The following DNAH6 variants were observed in gnomAD, a reference collection of about 807,000 sequenced individuals.
The protein encoded by DNAH6 is axonemal beta dynein heavy chain 6.
Under a neutral mutation model 491.4 loss-of-function variants are expected in DNAH6, and 340 were observed. That is an observed-to-expected ratio of 0.69 (90% CI 0.63 to 0.76). DNAH6 has a LOEUF of 0.76. DNAH6 is among the 30% of genes least tolerant of loss of function. The pLI, the probability that DNAH6 is intolerant of heterozygous loss-of-function variation, is 0.00. For missense variants in DNAH6, 4,443 were observed against 4,972.2 expected (o/e 0.89, Z 3.20); for synonymous variants, 1,603 against 1,686.1 (o/e 0.95, Z 1.21).
At chr2:84,810,503 C>A (rs1226790298) in intron 72 of DNAH6, among the ~76,000 whole-genome samples, 2 of 152,218 alleles carry the variant, frequency 1.3e-5, no homozygotes, top group Admixed American at 1.3e-4. Flanking sequence ...GCATTCCCAT[C>A]AGAAGGGAGG....
upstream of DNAH6, chr2:84,516,428 T>C (rs1675594733): frequency 6.6e-6 from 1 of 152,210 alleles, no homozygotes; most frequent in African/African-American, 2.4e-5. Flanking sequence ...AGGCGTTGCC[T>C]GGCGACGTGT....
At chr2:84,628,112 G>A (rs1284557283) in intron 29 of DNAH6, among the ~76,000 whole-genome samples, 1 of 152,146 alleles carries the variant, frequency 6.6e-6, no homozygotes, top group East Asian at 1.9e-4. Flanking sequence ...GTGGGTTCAA[G>A]TGATCACCCC....
chr2:84,493,785 C>T, the DNAH6 span, among the ~76,000 whole-genome samples: 1 of 152,142 alleles, frequency 6.6e-6, no homozygotes, highest in Non-Finnish European at 1.5e-5. Flanking sequence ...TTGGTAGACA[C>T]AACAGCTTCA....
At chr2:84,571,135 A>G (rs1047732794) in intron 11 of DNAH6, among the ~76,000 whole-genome samples, 2 of 152,266 alleles carry the variant, frequency 1.3e-5, no homozygotes, top group African/African-American at 4.8e-5. Context: ...ATAATGAATT[A>G]ACAAACTAAT....
intron 76 of DNAH6, 90 bp from the exon 77 acceptor site, chr2:84,819,215 C>A: frequency 1.1e-6 from 1 of 883,032 alleles, no homozygotes; most frequent in South Asian, 1.7e-5. Context: ...GGCCTGGAAC[C>A]CAGATGTCTT....
chr2:84,506,484 G>A, the DNAH6 span, among the ~76,000 whole-genome samples: 2 of 152,154 alleles, frequency 1.3e-5, no homozygotes, highest in African/African-American at 4.8e-5. Context: ...TGTCAGACGA[G>A]TAGATTGCAA....
At chr2:84,589,882 G>A (rs116317585) in intron 16 of DNAH6, among the ~76,000 whole-genome samples, 380 of 152,016 alleles carry the variant, frequency 2.5e-3, no homozygotes, top group African/African-American at 8.6e-3. Context: ...AAACCAGGGA[G>A]CCCCTAGCAA....
chr2:84,492,827 T>G, the DNAH6 span, among the ~76,000 whole-genome samples: 2,099 of 152,234 alleles, frequency 0.014, 47 homozygotes, highest in African/African-American at 0.048. Flanking sequence ...TTTCTAGTAT[T>G]AACTTACTGA....
rs532086533 is a variant in DNAH6 at position 84,568,674 on chromosome 2, G to A, written c.1804-4793G>A. Among the ~76,000 whole-genome samples, 42 of 152,196 alleles carry A rather than the reference G, an allele frequency of 2.8e-4. No individual in the cohort carries two copies. In the East Asian group the frequency reaches 6.4e-3, roughly 23 times the overall value. On this transcript the variant is annotated intron_variant, in intron 11 of 76. Transcript: ENST00000389394. ...ACCACCATGGCATACATTTACCTAT[G>A]TAACAAACCTGCACATCCTATCCTG... is the stretch of plus-strand genomic sequence containing the variant.
In DNAH6 at chr2:84,557,887, A is replaced by G. The variant is rs755393128; in HGVS notation, c.1755A>G (p.Ala585=). The change falls in exon 11 of 77, where the codon GCA becomes GCG. Residue 585 remains alanine (A), a synonymous_variant. Transcript: ENST00000389394. ...KTCGTGPSLA[A]VFEDDKNFHT... Reference sequence around the variant, plus strand: ...GTGGAACTGGGCCAAGTTTAGCAGCAGTATTTGAGGATGATAAGAATTTTC... The same window carrying G: ...GTGGAACTGGGCCAAGTTTAGCAGCGGTATTTGAGGATGATAAGAATTTTC... 1.2e-6 allele frequency: 2 copies of G among 1,612,450 alleles called. No homozygotes were observed. Among genetic ancestry groups the G allele is most frequent in the Non-Finnish European group, 8.5e-7 (1 of 1,178,992 alleles).
intron 13 of DNAH6, among the ~76,000 whole-genome samples, chr2:84,578,424 G>A (rs962322606): frequency 1.3e-5 from 2 of 152,104 alleles, no homozygotes; most frequent in African/African-American, 2.4e-5. Context: ...TAAGCAATCA[G>A]GAGAGTTATT....
At chr2:84,814,159 T>A in intron 75 of DNAH6, 37 bp downstream of exon 75, 1 of 1,541,552 alleles carries the variant, frequency 6.5e-7, no homozygotes, top group Non-Finnish European at 8.8e-7. Flanking sequence ...AAGCAGCTTC[T>A]ATCCCACTGT....
chr2:84,797,635 G>T lies in DNAH6; in HGVS notation c.11458G>T (p.Glu3820Ter). The change falls in exon 70 of 77, where the codon GAA (glutamate) becomes TAA (stop). Residue 3820 changes from glutamate to a stop codon, truncating the protein, a stop_gained. Transcript: ENST00000389394. LOFTEE classifies it high-confidence loss of function. Reference sequence around the variant, plus strand: ...TGACCCAGAAATTTTTGGAATGCATGAAAATGCTAATCTAGTCTTCCAGGT... The same window carrying T: ...TGACCCAGAAATTTTTGGAATGCATTAAAATGCTAATCTAGTCTTCCAGGT... Reference protein sequence around the residue: ...IDDPEIFGMHENANLVFQYKE... With the variant: ...IDDPEIFGMH 6.4e-7 allele frequency: 1 copy of T among 1,551,324 alleles called. No homozygotes were observed. Among genetic ancestry groups the T allele is most frequent in the East Asian group, 2.4e-5 (1 of 40,918 alleles).
chr2:84,733,283 A>G (rs1699264897), intron 61 of DNAH6, among the ~76,000 whole-genome samples, 161 bp from the exon 62 acceptor site: 1 of 152,182 alleles, frequency 6.6e-6, no homozygotes, highest in South Asian at 2.1e-4. Context: ...CACAATTAGA[A>G]TTGATTCAAC....
intron 19 of DNAH6, among the ~76,000 whole-genome samples, chr2:84,604,837 C>T (rs1228647087): frequency 1.3e-5 from 2 of 152,006 alleles, no homozygotes; most frequent in Non-Finnish European, 1.5e-5. Context: ...AACCCAAATA[C>T]GTTATCTTCC....
Position 84,547,558 on chromosome 2 carries a change from G to A in DNAH6, c.1132G>A (p.Ala378Thr). ...TGTAGTCAGGAGGGCTTGTCGATTT[G>A]CTTTGCGTGCTGCAGGATTTGTTCC... Reference protein sequence around the residue: ...KYVVRRACRFALRAAGFVPDD... With the variant: ...KYVVRRACRFTLRAAGFVPDD... The change falls in exon 7 of 77, where the codon GCT becomes ACT. Residue 378 changes from alanine (A) to threonine (T), a missense_variant. Coordinates refer to ENST00000389394, the MANE Select transcript of DNAH6 (RefSeq NM_001370.2). 6.4e-7 allele frequency: 1 copy of A among 1,551,868 alleles called. No homozygotes were observed.
intron 38 of DNAH6, 59 bp downstream of exon 38, chr2:84,669,569 G>C: frequency 7.3e-7 from 1 of 1,377,660 alleles, no homozygotes; most frequent in Non-Finnish European, 1.0e-6. Context: ...GATGGACTTA[G>C]AATCGTTAGC....
chr2:84,759,787 A>G (rs1674392838), intron 63 of DNAH6, among the ~76,000 whole-genome samples: 1 of 152,136 alleles, frequency 6.6e-6, no homozygotes, highest in East Asian at 1.9e-4. Flanking sequence ...GTGGAACCAA[A>G]AAAGACCCCA....
intron 21 of DNAH6, among the ~76,000 whole-genome samples, chr2:84,607,805 G>T (rs12468295): frequency 0.82 from 124,843 of 152,100 alleles, 53,359 homozygotes; most frequent in East Asian, 0.99. Context: ...GCTGCTGAAG[G>T]TTGGGGGTGC....
Sources: gnomAD v4.1 joint callset for allele counts (sites outside exome capture counted in the v4.1 genomes callset) on GRCh38, gnomAD v4.1.1 for gene constraint, MANE v1.5 for transcripts, NCBI Gene and HGNC (gene_info 2026-07-23, HGNC 2026-07-21) for gene names.